The following TENM2 variants were observed in gnomAD, a reference collection of about 807,000 sequenced individuals.
The protein encoded by TENM2 is teneurin-2.
Under a neutral mutation model 245.2 loss-of-function variants are expected in TENM2, and 52 were observed. The observed-to-expected ratio is 0.21, with a 90% CI of 0.17 to 0.27. The LOEUF (loss-of-function observed/expected upper bound fraction) is 0.27. Among genes scored for constraint, TENM2 ranks in the 10% least tolerant of loss-of-function variants. The pLI is 1.00. For synonymous variants in TENM2, 1,363 were observed against 1,438.9 expected (o/e 0.95, Z 1.19); for missense variants, 3,046 against 3,666.8 (o/e 0.83, Z 4.37).
intron 4 of TENM2, among the ~76,000 whole-genome samples, chr5:167,975,484 A>C (rs1446762240): frequency 6.6e-6 from 1 of 151,100 alleles, no homozygotes; most frequent in Non-Finnish European, 1.5e-5. Flanking sequence ...AAATATATAG[A>C]TCTGTTTTGT....
At chr5:167,419,456 G>A (rs978039655) in intron 2 of TENM2, among the ~76,000 whole-genome samples, 15 of 152,084 alleles carry the variant, frequency 9.9e-5, no homozygotes, top group South Asian at 2.1e-4. Context: ...GTGAGACGTC[G>A]TCTCAAAGTA....
chr5:167,518,375 A>T, intron 2 of TENM2, among the ~76,000 whole-genome samples: 1 of 152,140 alleles, frequency 6.6e-6, no homozygotes, highest in Non-Finnish European at 1.5e-5. Flanking sequence ...GAGATCCTTC[A>T]TTCTTTGATT....
At chr5:167,203,480 A>G in the TENM2 span, among the ~76,000 whole-genome samples, 1 of 152,168 alleles carries the variant, frequency 6.6e-6, no homozygotes, top group Admixed American at 6.5e-5. Flanking sequence ...CATCACTTTC[A>G]TGAAGCATGC....
the TENM2 span, among the ~76,000 whole-genome samples, chr5:167,093,261 C>G: frequency 6.6e-6 from 1 of 152,170 alleles, no homozygotes; most frequent in Non-Finnish European, 1.5e-5. Flanking sequence ...AACCAGGATT[C>G]CACGGATACA....
the TENM2 span, among the ~76,000 whole-genome samples, chr5:167,049,859 T>C: frequency 1.7e-3 from 253 of 152,358 alleles, 1 homozygote; most frequent in Non-Finnish European, 1.4e-3. Flanking sequence ...TACCAGAGAC[T>C]GTGCTAGGTA....
At chr5:168,025,387 G>A (rs1429204821) in intron 5 of TENM2, among the ~76,000 whole-genome samples, 1 of 152,186 alleles carries the variant, frequency 6.6e-6, no homozygotes, top group Non-Finnish European at 1.5e-5. Context: ...CCCTATAGTA[G>A]CAATTCTTGG....
chr5:167,633,434 G>A (rs1453364461), intron 2 of TENM2, among the ~76,000 whole-genome samples: 1 of 152,142 alleles, frequency 6.6e-6, no homozygotes, highest in Non-Finnish European at 1.5e-5. Context: ...AAAACGGAGT[G>A]GAATTTGGAG....
At chr5:167,658,471 G>C (rs1289677680) in intron 2 of TENM2, among the ~76,000 whole-genome samples, 2 of 152,108 alleles carry the variant, frequency 1.3e-5, no homozygotes, top group Admixed American at 1.3e-4. Context: ...GCCTCCCAAA[G>C]TGGTGAAGCC....
intron 2 of TENM2, among the ~76,000 whole-genome samples, chr5:167,699,297 C>T (rs527737832): frequency 6.6e-6 from 1 of 151,998 alleles, no homozygotes; most frequent in South Asian, 2.1e-4. Context: ...CATCCAAGCC[C>T]AATAAAATGA....
chr5:168,136,453 C>T (rs1755053848), intron 12 of TENM2, among the ~76,000 whole-genome samples: 1 of 152,328 alleles, frequency 6.6e-6, no homozygotes, highest in East Asian at 1.9e-4. Flanking sequence ...AGCACTGCCC[C>T]TACTGCCAGG....
the TENM2 span, among the ~76,000 whole-genome samples, chr5:167,073,761 G>A: frequency 5.3e-4 from 80 of 152,270 alleles, no homozygotes; most frequent in Middle Eastern, 3.4e-3. Flanking sequence ...GAGTGCAAAG[G>A]CCTTTTGGAT....
intron 3 of TENM2, among the ~76,000 whole-genome samples, chr5:167,889,770 G>A (rs184431064): frequency 1.4e-3 from 210 of 152,208 alleles, no homozygotes; most frequent in Middle Eastern, 6.8e-3. Flanking sequence ...GACACCACCT[G>A]TTTACGACAT....
At chr5:167,466,004 T>C (rs1475967740) in intron 2 of TENM2, among the ~76,000 whole-genome samples, 3 of 152,042 alleles carry the variant, frequency 2.0e-5, no homozygotes, top group Admixed American at 2.0e-4. Flanking sequence ...AATGTAATCT[T>C]CCTTAAGAAA....
At chr5:167,487,245 G>T (rs1768130385) in intron 2 of TENM2, among the ~76,000 whole-genome samples, 1 of 152,096 alleles carries the variant, frequency 6.6e-6, no homozygotes, top group African/African-American at 2.4e-5. Context: ...GATGATATCT[G>T]AATTTGCACA....
intron 2 of TENM2, among the ~76,000 whole-genome samples, chr5:167,497,127 A>G (rs764866684): frequency 1.2e-4 from 18 of 152,034 alleles, no homozygotes; most frequent in Non-Finnish European, 2.4e-4. Context: ...AGTGACTAAG[A>G]TAATAAAACC....
chr5:168,219,424 A>T (rs1763471220), intron 23 of TENM2, among the ~76,000 whole-genome samples: 1 of 152,224 alleles, frequency 6.6e-6, no homozygotes, highest in African/African-American at 2.4e-5. Flanking sequence ...CAGGTAGATA[A>T]ACTCTGAATT....
the TENM2 span, among the ~76,000 whole-genome samples, chr5:167,225,638 T>C: frequency 6.6e-6 from 1 of 152,070 alleles, no homozygotes; most frequent in Non-Finnish European, 1.5e-5. Context: ...TTTTTTGTTA[T>C]GTTCTTGTCT....
intron 2 of TENM2, among the ~76,000 whole-genome samples, chr5:167,552,602 A>C (rs1407328752): frequency 6.6e-6 from 1 of 152,184 alleles, no homozygotes; most frequent in Non-Finnish European, 1.5e-5. Flanking sequence ...TGGTAATGCT[A>C]ATTACCACTG....
At position 167,929,582 on chromosome 5, in the gene TENM2, A is replaced by G. The variant is rs549498658; in HGVS notation, c.713-23006A>G. ...ATATTACCATGTTATTAGCATCACA[A>G]TCAGGCTCAGGCATACAATAGATGC... On this transcript the variant is annotated intron_variant, in intron 3 of 28. Coordinates refer to ENST00000518659, the Ensembl canonical transcript of TENM2. Among the ~76,000 whole-genome samples the G allele has an allele frequency of 5.9e-5, 9 of 152,272 alleles. No individual in the cohort carries two copies. The South Asian group carries it at 8.3e-4, about 14-fold the overall frequency.
Sources: gnomAD v4.1 joint callset for allele counts (sites outside exome capture counted in the v4.1 genomes callset) on GRCh38, gnomAD v4.1.1 for gene constraint, MANE v1.5 for transcripts, NCBI Gene and HGNC (gene_info 2026-07-23, HGNC 2026-07-21) for gene names.